CDH2: variants seen among roughly 807,000 people sequenced by gnomAD.
CDH2 encodes the protein cadherin 2.
Under a neutral mutation model 92.0 loss-of-function variants are expected in CDH2, and 17 were observed. That is an observed-to-expected ratio of 0.18 (90% CI 0.13 to 0.28). The LOEUF (loss-of-function observed/expected upper bound fraction) is 0.28. CDH2 is among the 10% of genes least tolerant of loss of function. The pLI, the probability that CDH2 is intolerant of heterozygous loss-of-function variation, is 1.00. For missense variants in CDH2, 862 were observed against 1,133.1 expected (o/e 0.76, Z 3.44); for synonymous variants, 419 against 415.9 (o/e 1.01, Z -0.09).
chr18:28,036,671 A>G (rs999258716), intron 2 of CDH2: 11 of 704,396 alleles, frequency 1.6e-5, no homozygotes, highest in Admixed American at 2.4e-5. Context: ...GCAGCTTTTT[A>G]TAACTGGAAT....
intron 2 of CDH2, among the ~76,000 whole-genome samples, chr18:28,141,176 T>C (rs2015946682): frequency 6.6e-6 from 1 of 151,738 alleles, no homozygotes; most frequent in Admixed American, 6.6e-5. Flanking sequence ...TACTCCCAGG[T>C]ATATACTCCA....
intron 2 of CDH2, among the ~76,000 whole-genome samples, chr18:28,107,138 A>G (rs916672158): frequency 3.9e-5 from 6 of 152,080 alleles, no homozygotes; most frequent in African/African-American, 1.4e-4. Context: ...GCACCATTTC[A>G]GACTACAAAA....
At chr18:28,009,263 A>C (rs533171017) in intron 5 of CDH2, among the ~76,000 whole-genome samples, 3 of 152,258 alleles carry the variant, frequency 2.0e-5, no homozygotes, top group Non-Finnish European at 4.4e-5. Flanking sequence ...ATTCCTAATT[A>C]GACAAAAGGT....
chr18:28,078,244 C>T (rs898122406), intron 2 of CDH2, among the ~76,000 whole-genome samples: 2 of 152,084 alleles, frequency 1.3e-5, no homozygotes, highest in East Asian at 1.9e-4. Context: ...GATCCTCCAG[C>T]GCTGAGAGAA....
chr18:27,945,252 T>G (rs895621585), intron 6 of CDH2, among the ~76,000 whole-genome samples: 15 of 149,746 alleles, frequency 1.0e-4, no homozygotes, highest in Admixed American at 6.0e-4. Context: ...AAAAGAGAAG[T>G]GCTCTTGCTT....
chr18:28,079,268 T>C (rs1275390187), intron 2 of CDH2, among the ~76,000 whole-genome samples: 2 of 152,224 alleles, frequency 1.3e-5, no homozygotes, highest in East Asian at 3.8e-4. Context: ...CCTTGCTCTC[T>C]AAACATTTTT....
chr18:28,113,466 C>A (rs1307103461), intron 2 of CDH2, among the ~76,000 whole-genome samples: 3 of 139,326 alleles, frequency 2.2e-5, no homozygotes, highest in South Asian at 2.3e-4. Flanking sequence ...TGAGGTAAGC[C>A]AGCAAAAGGA....
intron 2 of CDH2, among the ~76,000 whole-genome samples, chr18:28,090,626 A>C (rs2015019656): frequency 6.6e-6 from 1 of 152,332 alleles, no homozygotes; most frequent in South Asian, 2.1e-4. Flanking sequence ...TGTTTATTAG[A>C]GTAGCTTGTA....
chr18:28,173,884 G>C (rs1415846659), intron 1 of CDH2, among the ~76,000 whole-genome samples: 1 of 152,088 alleles, frequency 6.6e-6, no homozygotes, highest in African/African-American at 2.4e-5. Flanking sequence ...AGGAAAGCTA[G>C]TTATAACTTT....
intron 6 of CDH2, among the ~76,000 whole-genome samples, chr18:28,004,444 AC>A (rs2012856152): frequency 6.6e-6 from 1 of 152,224 alleles, no homozygotes; most frequent in Non-Finnish European, 1.5e-5. Context: ...TAGAAGAACC[AC>A]AAGAAATATA....
chr18:28,095,589 G>C (rs1449207138), intron 2 of CDH2, among the ~76,000 whole-genome samples: 2 of 151,958 alleles, frequency 1.3e-5, no homozygotes, highest in African/African-American at 4.8e-5. Context: ...AGGCCAAGGC[G>C]GGCAGATCAC....
intron 7 of CDH2, among the ~76,000 whole-genome samples, chr18:27,996,788 T>C (rs2012597069): frequency 6.6e-6 from 1 of 152,114 alleles, no homozygotes; most frequent in Admixed American, 6.5e-5. Flanking sequence ...GATGGATGGG[T>C]GAATGCATAA....
At chr18:28,107,657 G>C (rs1049323311) in intron 2 of CDH2, among the ~76,000 whole-genome samples, 2 of 152,050 alleles carry the variant, frequency 1.3e-5, no homozygotes, top group African/African-American at 4.8e-5. Flanking sequence ...ACTGTATAAA[G>C]AAGCAGTCAA....
At chr18:28,162,480 C>T (rs1319063425) in intron 1 of CDH2, among the ~76,000 whole-genome samples, 1 of 152,154 alleles carries the variant, frequency 6.6e-6, no homozygotes, top group Non-Finnish European at 1.5e-5. Context: ...TCCGAGTCAC[C>T]ACCAAGAAGC....
In CDH2 at chr18:28,043,301, C is replaced by A. The variant is rs142756524; in HGVS notation, c.173-29392G>T. On this transcript the variant is annotated intron_variant, in intron 2 of 15. Coordinates refer to ENST00000269141, the MANE Select transcript of CDH2 (RefSeq NM_001792.5). ...TAATATAATGGACTTTGGGGACTCA[C>A]GGGGAAGGGTGGGAGGCGGGTGAAG... 4.0e-5 allele frequency among the ~76,000 whole-genome samples: 6 copies of A among 151,078 alleles called. No homozygotes were observed. The East Asian group carries it at 9.8e-4, about 25-fold the overall frequency.
At chr18:28,051,073 C>A (rs918939828) in intron 2 of CDH2, among the ~76,000 whole-genome samples, 1 of 152,100 alleles carries the variant, frequency 6.6e-6, no homozygotes, top group African/African-American at 2.4e-5. Flanking sequence ...AATCCATATG[C>A]ATATTGTAAA....
At chr18:28,080,585 C>A in intron 2 of CDH2, among the ~76,000 whole-genome samples, 1 of 152,186 alleles carries the variant, frequency 6.6e-6, no homozygotes, top group East Asian at 1.9e-4. Context: ...AAATAAATTA[C>A]CATAAATCTT....
chr18:28,130,839 T>C (rs967642342), intron 2 of CDH2, among the ~76,000 whole-genome samples: 2 of 152,190 alleles, frequency 1.3e-5, no homozygotes, highest in African/African-American at 4.8e-5. Context: ...AATGACTAAA[T>C]TTCCATAGGA....
chr18:28,002,541 T>C (rs192154984), intron 7 of CDH2, among the ~76,000 whole-genome samples: 7 of 152,276 alleles, frequency 4.6e-5, no homozygotes, highest in African/African-American at 1.7e-4. Context: ...AAGAAGATAA[T>C]CTACTATATA....
Sources: allele counts gnomAD v4.1 joint callset (sites outside exome capture counted in the v4.1 genomes callset), GRCh38; gene constraint gnomAD v4.1.1; transcripts MANE v1.5; gene names NCBI Gene and HGNC (gene_info 2026-07-23, HGNC 2026-07-21).